SNTB1: variants seen among roughly 807,000 people sequenced by gnomAD.
The protein encoded by SNTB1 is syntrophin beta 1, also known as beta-1-syntrophin.
SNTB1 carries 36 observed loss-of-function variants against 48.9 expected under a neutral mutation model. The observed-to-expected ratio is 0.74, with a 90% CI of 0.56 to 0.97. SNTB1 has a LOEUF of 0.97. SNTB1 is among the 50% of genes least tolerant of loss of function. The pLI, the probability that SNTB1 is intolerant of heterozygous loss-of-function variation, is 0.00. For missense variants in SNTB1, 786 were observed against 703.4 expected, an observed-to-expected ratio of 1.12 and a Z score of -1.33; for synonymous variants, 299 against 294.6, an observed-to-expected ratio of 1.01 and a Z score of -0.15.
chr8:120,589,117 G>C (rs76983256), intron 3 of SNTB1, among the ~76,000 whole-genome samples: 5,171 of 152,134 alleles, frequency 0.034, 315 homozygotes, highest in African/African-American at 0.12. Context: ...CTACACATCT[G>C]TATTTATACA....
At chr8:120,726,223 C>A (rs1398489214) in intron 1 of SNTB1, among the ~76,000 whole-genome samples, 5 of 152,154 alleles carry the variant, frequency 3.3e-5, no homozygotes, top group African/African-American at 1.2e-4. Flanking sequence ...ACATACATTT[C>A]TGAAGAAATC....
chr8:120,698,384 C>A (rs1818245663), intron 1 of SNTB1, among the ~76,000 whole-genome samples: 1 of 152,002 alleles, frequency 6.6e-6, no homozygotes. Flanking sequence ...CGTCACTGTC[C>A]CTAAGGAAGA....
chr8:120,699,462 C>T (rs1563855048), intron 1 of SNTB1, among the ~76,000 whole-genome samples: 1 of 152,108 alleles, frequency 6.6e-6, no homozygotes, highest in African/African-American at 2.4e-5. Flanking sequence ...GGGACCTCCC[C>T]CTTCTCTCTC....
chr8:120,707,429 A>T (rs905614204), intron 1 of SNTB1, among the ~76,000 whole-genome samples: 1 of 152,206 alleles, frequency 6.6e-6, no homozygotes, highest in Non-Finnish European at 1.5e-5. Context: ...TAAGAATTAC[A>T]TCAGGATGAC....
At chr8:120,609,772 CTT>C (rs1164599337) in intron 3 of SNTB1, among the ~76,000 whole-genome samples, 4 of 152,210 alleles carry the variant, frequency 2.6e-5, no homozygotes, top group Non-Finnish European at 5.9e-5. Context: ...AGATGTCTCA[CTT>C]TGTTATTACA....
At chr8:120,720,455 C>T (rs1024437469) in intron 1 of SNTB1, among the ~76,000 whole-genome samples, 2 of 152,228 alleles carry the variant, frequency 1.3e-5, no homozygotes, top group Admixed American at 1.3e-4. Context: ...CTACCATCTC[C>T]TGTTTTCATC....
At chr8:120,767,161 C>CT (rs1411839788) in intron 1 of SNTB1, among the ~76,000 whole-genome samples, 2 of 152,088 alleles carry the variant, frequency 1.3e-5, no homozygotes, top group South Asian at 2.1e-4. Flanking sequence ...TTTCAGTTGT[C>CT]TTTTTTTAAT....
chr8:120,666,830 TG>T (rs1338945635), intron 2 of SNTB1, among the ~76,000 whole-genome samples: 1 of 152,168 alleles, frequency 6.6e-6, no homozygotes, highest in Middle Eastern at 3.2e-3. Flanking sequence ...AGGTATTTTT[TG>T]CTATGAATGC....
intron 1 of SNTB1, among the ~76,000 whole-genome samples, chr8:120,810,529 G>C (rs1244366752): frequency 1.3e-5 from 2 of 152,212 alleles, no homozygotes; most frequent in African/African-American, 4.8e-5. Context: ...AAGGGCTCCA[G>C]AAAACGCAGA....
At chr8:120,698,946 T>C (rs1056703131) in intron 1 of SNTB1, among the ~76,000 whole-genome samples, 2 of 152,188 alleles carry the variant, frequency 1.3e-5, no homozygotes, top group Non-Finnish European at 2.9e-5. Flanking sequence ...TAAGAATAGA[T>C]TTATCTATAA....
At chr8:120,728,065 G>A (rs946579713) in intron 1 of SNTB1, among the ~76,000 whole-genome samples, 9 of 151,700 alleles carry the variant, frequency 5.9e-5, no homozygotes, top group East Asian at 3.9e-4. Context: ...TTGCTCTGTC[G>A]CTCAGCCTGG....
chr8:120,585,786 T>A (rs79670584), intron 3 of SNTB1, among the ~76,000 whole-genome samples: 1,901 of 152,338 alleles, frequency 0.012, 20 homozygotes, highest in Non-Finnish European at 0.02. Context: ...GTTTGCAAGT[T>A]TCTAAAACAG....
At chr8:120,551,725 C>CAAAAAAAAAA (rs764008790) in intron 4 of SNTB1, among the ~76,000 whole-genome samples, 1 of 42,828 alleles carries the variant, frequency 2.3e-5, no homozygotes. Flanking sequence ...GACTCCATCT[C>CAAAAAAAAAA]AAAAAAAAAA....
intron 1 of SNTB1, among the ~76,000 whole-genome samples, chr8:120,756,848 G>C (rs1819326540): frequency 2.0e-5 from 3 of 152,144 alleles, no homozygotes; most frequent in Admixed American, 1.3e-4. Context: ...ATTGACATCT[G>C]AGGCTTGCAA....
At chr8:120,564,390 T>G (rs1170663905) in intron 4 of SNTB1, among the ~76,000 whole-genome samples, 1 of 148,100 alleles carries the variant, frequency 6.8e-6, no homozygotes, top group East Asian at 2.0e-4. Context: ...AGGAAGATGG[T>G]CCTCACCAGA....
intron 3 of SNTB1, among the ~76,000 whole-genome samples, chr8:120,578,834 A>C (rs969437757): frequency 2.0e-5 from 3 of 152,176 alleles, no homozygotes; most frequent in Non-Finnish European, 4.4e-5. Context: ...AAACTCTTTA[A>C]ATTCAATGAT....
chr8:120,562,617 T>C (rs1405138509), intron 4 of SNTB1, among the ~76,000 whole-genome samples: 1 of 152,168 alleles, frequency 6.6e-6, no homozygotes, highest in Non-Finnish European at 1.5e-5. Flanking sequence ...ATGCCCCACA[T>C]TTTCTACCAG....
chr8:120,804,515 T>C (rs1820293559), intron 1 of SNTB1, among the ~76,000 whole-genome samples: 1 of 152,130 alleles, frequency 6.6e-6, no homozygotes, highest in South Asian at 2.1e-4. Flanking sequence ...TACAGCAGGA[T>C]GGGCCTGATG....
chr8:120,718,900 G>A (rs1200742754), intron 1 of SNTB1, among the ~76,000 whole-genome samples: 1 of 152,142 alleles, frequency 6.6e-6, no homozygotes, highest in Admixed American at 6.5e-5. Flanking sequence ...CTGTCTCTTG[G>A]CTTGACTTGG....
Sources: allele counts gnomAD v4.1 joint callset (sites outside exome capture counted in the v4.1 genomes callset), GRCh38; gene constraint gnomAD v4.1.1; transcripts MANE v1.5; gene names NCBI Gene and HGNC (gene_info 2026-07-23, HGNC 2026-07-21).